Variants in KLRF2 observed in about 807,000 individuals in gnomAD.
KLRF2 encodes the protein killer cell lectin-like receptor subfamily F member 2.
Under a neutral mutation model 25.3 loss-of-function variants are expected in KLRF2, and 28 were observed. That is an observed-to-expected ratio of 1.11 (90% CI 0.82 to 1.52). The LOEUF is 1.52. Among genes scored for constraint, KLRF2 ranks in the 40% most tolerant of loss-of-function variants. The pLI, the probability that KLRF2 is intolerant of heterozygous loss-of-function variation, is 0.00. For synonymous variants in KLRF2, 73 were observed against 85.0 expected (o/e 0.86, Z 0.78); for missense variants, 265 against 245.8 (o/e 1.08, Z -0.52).
chr12:9,885,113 C>G, intron 2 of KLRF2, 81 bp downstream of exon 2: 1 of 439,062 alleles, frequency 2.3e-6, no homozygotes, highest in Non-Finnish European at 3.8e-6. Flanking sequence ...CCAAGATAAA[C>G]TCTACACTGT....
intron 2 of KLRF2, among the ~76,000 whole-genome samples, chr12:9,886,756 T>C (rs1230067306): frequency 1.8e-5 from 2 of 108,416 alleles, no homozygotes; most frequent in African/African-American, 6.8e-5. Context: ...TTTGCCCCTA[T>C]ATCATGCAAA....
intron 2 of KLRF2, among the ~76,000 whole-genome samples, chr12:9,887,822 C>T (rs539453206): frequency 4.3e-4 from 64 of 149,994 alleles, no homozygotes; most frequent in African/African-American, 1.5e-3. Context: ...GAGGCCAAGG[C>T]AGGTGGAGCG....
chr12:9,895,616 G>C lies in KLRF2; in HGVS notation c.480-73G>C, dbSNP rs937124362. On this transcript the variant is annotated intron_variant, in intron 5 of 5. Coordinates refer to ENST00000535540, the MANE Select transcript of KLRF2 (RefSeq NM_001190765.1). ...CTGAAGAATTACCTATAAAAGTTTG[G>C]CTGGAGAAAACTTTAAAAGATACTA... 13 of 1,372,108 alleles carry C rather than the reference G, an allele frequency of 9.5e-6. No individual in the cohort carries two copies. In the Admixed American group the frequency reaches 1.5e-4, roughly 16 times the overall value. The allele number at this position is 1,372,108 out of a possible 1,614,324, so 85.0% of individuals were successfully genotyped here.
chr12:9,881,648 C>A lies in KLRF2; in HGVS notation c.53C>A (p.Ser18Ter), dbSNP rs577036151. The A allele has an allele frequency of 6.5e-7, 1 of 1,535,052 alleles. No individual in the cohort carries two copies. The highest frequency in any genetic ancestry group is 1.2e-5 in the South Asian group (1 of 84,038). The change falls in exon 1 of 6, where the codon TCG (serine) becomes TAG (stop). Residue 18 changes from serine (S) to a stop codon, truncating the protein, a stop_gained. Coordinates refer to ENST00000535540, the MANE Select transcript of KLRF2 (RefSeq NM_001190765.1). LOFTEE classifies it high-confidence loss of function. ...CTGAGTTTCAAGAATCGTTGTAAAT[C>A]GAAGCAGAAATCTAAAGGTAGGAAT... Reference protein sequence around the residue: ...MTLSFKNRCKSKQKSKDFSLY... With the variant: ...MTLSFKNRCK
intron 1 of KLRF2, among the ~76,000 whole-genome samples, chr12:9,884,047 G>T (rs578083249): frequency 5.8e-4 from 89 of 152,204 alleles, no homozygotes; most frequent in African/African-American, 2.1e-3. Flanking sequence ...TAAAATGATT[G>T]TAGATTGAGA....
intron 5 of KLRF2, among the ~76,000 whole-genome samples, 161 bp downstream of exon 5, chr12:9,893,702 TC>T (rs1213231372): frequency 1.3e-4 from 15 of 114,938 alleles, no homozygotes; most frequent in African/African-American, 3.7e-4. Context: ...CTTTCCTTCC[TC>T]CCTCCCTTTT....
At chr12:9,883,424 T>A (rs1868115981) in intron 1 of KLRF2, among the ~76,000 whole-genome samples, 1 of 152,224 alleles carries the variant, frequency 6.6e-6, no homozygotes, top group African/African-American at 2.4e-5. Flanking sequence ...TGTACTCAGC[T>A]CTCTGTTCAC....
intron 2 of KLRF2, among the ~76,000 whole-genome samples, chr12:9,888,326 T>C (rs552973405): frequency 6.6e-6 from 1 of 151,074 alleles, no homozygotes; most frequent in Non-Finnish European, 1.5e-5. Context: ...CCATCTCTAC[T>C]AAAAATACAA....
Position 9,885,085 on chromosome 12 carries a change from C to A in KLRF2, c.169+53C>A. ...ACATTTTCAGAAGATAAATGTTGAT[C>A]CTTCATTCCTCTTAATGCCAAGATA... On this transcript the variant is annotated intron_variant, in intron 2 of 5. Transcript: ENST00000535540. The A allele has an allele frequency of 5.0e-6, 3 of 599,030 alleles. No individual in the cohort carries two copies. The South Asian group carries it at 2.1e-4, about 42-fold the overall frequency. The allele number at this position is 599,030 out of a possible 1,614,324, so 37.1% of individuals were successfully genotyped here.
chr12:9,895,173 C>T (rs1171513564), intron 5 of KLRF2, among the ~76,000 whole-genome samples: 1 of 152,210 alleles, frequency 6.6e-6, no homozygotes, highest in East Asian at 1.9e-4. Context: ...CCTCCCAACT[C>T]ACATCATTAT....
At position 9,894,427 on chromosome 12, in the gene KLRF2, C is replaced by G. The variant is rs113062221; in HGVS notation, c.479+886C>G. On this transcript the variant is annotated intron_variant, in intron 5 of 5. Coordinates refer to ENST00000535540, the MANE Select transcript of KLRF2 (RefSeq NM_001190765.1). ...CCAACTCCTGAGCTCAAACTATCACCCACCTCAGCCTCCCAAACTGCTGAG... is the reference window on the plus strand; with the variant it reads ...CCAACTCCTGAGCTCAAACTATCACGCACCTCAGCCTCCCAAACTGCTGAG... Among the ~76,000 whole-genome samples, 1,064 of 152,166 alleles carry G rather than the reference C, an allele frequency of 7.0e-3. 9 individuals carry two copies. The highest frequency in any genetic ancestry group is 0.025 in the African/African-American group (1,034 of 41,496).
rs77978462 is a variant in KLRF2, at chr12:9,891,024, T to C, written c.218-1996T>C. Among the ~76,000 whole-genome samples the C allele has an allele frequency of 8.9e-3, 1,358 of 152,200 alleles. 16 individuals are homozygous for C. The highest frequency in any genetic ancestry group is 0.031 in the African/African-American group (1,284 of 41,520). On this transcript the variant is annotated intron_variant, in intron 3 of 5. Transcript: ENST00000535540. ...AATATGCCTCTTGAGTCTTAATTTA[T>C]AGACACTTGTCCCCTCCTTTTAATT...
At chr12:9,894,151 T>TCTCTCC (rs1555127282) in intron 5 of KLRF2, among the ~76,000 whole-genome samples, 2 of 147,590 alleles carry the variant, frequency 1.4e-5, no homozygotes, top group East Asian at 4.3e-4. Context: ...TCTCTCTCTC[T>TCTCTCC]CTCCCTCCCT....
chr12:9,882,657 T>G (rs1868106491), intron 1 of KLRF2, among the ~76,000 whole-genome samples: 2 of 152,156 alleles, frequency 1.3e-5, no homozygotes, highest in African/African-American at 4.8e-5. Context: ...GGCGTGTGCC[T>G]GTAATCCCAA....
chr12:9,881,621 C>A lies in KLRF2; in HGVS notation c.26C>A (p.Thr9Lys). 2 of 1,535,144 alleles carry A rather than the reference C, an allele frequency of 1.3e-6. No individual in the cohort carries two copies. Among genetic ancestry groups the A allele is most frequent in the Non-Finnish European group, 1.7e-6 (2 of 1,146,160 alleles). The part of the protein sequence containing the change: MENEDGYM[T>K]LSFKNRCKSK... Reference sequence around the variant, plus strand: ...ATGGAGAATGAAGATGGGTATATGACGCTGAGTTTCAAGAATCGTTGTAAA... The same window carrying A: ...ATGGAGAATGAAGATGGGTATATGAAGCTGAGTTTCAAGAATCGTTGTAAA... The change falls in exon 1 of 6, where the codon ACG becomes AAG. Residue 9 changes from threonine to lysine, a missense_variant. Physicochemically the swap from Thr to Lys is moderately conservative, Grantham distance 78. Transcript: ENST00000535540.
intron 3 of KLRF2, 77 bp downstream of exon 3, chr12:9,888,857 C>T (rs1166721533): frequency 2.4e-6 from 2 of 820,074 alleles, no homozygotes; most frequent in African/African-American, 1.7e-5. Flanking sequence ...TGGCGTTCAC[C>T]CATGTTACAC....
intron 5 of KLRF2, among the ~76,000 whole-genome samples, chr12:9,894,828 G>A (rs1355439731): frequency 1.3e-5 from 2 of 151,910 alleles, no homozygotes; most frequent in Non-Finnish European, 2.9e-5. Flanking sequence ...TTGAAAAAAA[G>A]TAAGATTTAT....
chr12:9,892,919 A>G, intron 3 of KLRF2, 101 bp from the exon 4 acceptor site: 2 of 941,260 alleles, frequency 2.1e-6, no homozygotes, highest in South Asian at 1.9e-5. Flanking sequence ...AAAAAAAATG[A>G]GTTGGAAAAA....
Position 9,881,604 on chromosome 12 carries a change from T to C in KLRF2, c.9T>C (p.Asn3=). The C allele has an allele frequency of 6.5e-7, 1 of 1,533,538 alleles. No homozygotes were observed. Among genetic ancestry groups the C allele is most frequent in the Non-Finnish European group, 8.7e-7 (1 of 1,144,754 alleles). The allele number at this position is 1,533,538 out of a possible 1,614,324, so 95.0% of individuals were successfully genotyped here. ME[N]EDGYMTLSFK... is the part of the protein sequence containing the mutation. ...ATTAGACATTTGAAGAGATGGAGAATGAAGATGGGTATATGACGCTGAGTT... is the reference window on the plus strand; with the variant it reads ...ATTAGACATTTGAAGAGATGGAGAACGAAGATGGGTATATGACGCTGAGTT... The change falls in exon 1 of 6, where the codon AAT becomes AAC. Residue 3 remains asparagine, a synonymous_variant. Transcript: ENST00000535540.
Sources: allele counts gnomAD v4.1 joint callset (sites outside exome capture counted in the v4.1 genomes callset), GRCh38; gene constraint gnomAD v4.1.1; transcripts MANE v1.5; gene names NCBI Gene and HGNC (gene_info 2026-07-23, HGNC 2026-07-21).